Variants in PIGN observed in about 807,000 individuals in gnomAD.
PIGN encodes the protein phosphatidylinositol glycan anchor biosynthesis class N, also known as GPI ethanolamine phosphate transferase 1.
PIGN carries 117 observed loss-of-function variants against 125.4 expected under a neutral mutation model. The ratio of observed to expected loss-of-function variants is 0.93; its 90% CI spans 0.80 to 1.09. The LOEUF is 1.09. Among genes scored for constraint, PIGN ranks in the 50% least tolerant of loss-of-function variants. The pLI is 0.00. For synonymous variants in PIGN, 392 were observed against 377.8 expected (o/e 1.04, Z -0.44); for missense variants, 1,075 against 1,094.9 (o/e 0.98, Z 0.26).
intron 16 of PIGN, among the ~76,000 whole-genome samples, chr18:62,110,665 C>T (rs1389133977): frequency 5.9e-5 from 9 of 152,016 alleles, no homozygotes; most frequent in African/African-American, 1.9e-4. Flanking sequence ...AGTGCAGCTT[C>T]AGCTCCTGCT....
At chr18:62,055,430 T>C (rs1401709898) in intron 30 of PIGN, among the ~76,000 whole-genome samples, 7 of 152,232 alleles carry the variant, frequency 4.6e-5, no homozygotes, top group Non-Finnish European at 7.3e-5. Context: ...CTTTGTATCA[T>C]ATTTATGAAG....
intron 29 of PIGN, among the ~76,000 whole-genome samples, chr18:62,073,689 T>C (rs760635498): frequency 8.5e-5 from 13 of 152,326 alleles, no homozygotes; most frequent in African/African-American, 1.7e-4. Context: ...CACACAAAAG[T>C]ACTCTCATCT....
chr18:62,087,956 T>C (rs1376986886), intron 25 of PIGN, among the ~76,000 whole-genome samples: 1 of 152,168 alleles, frequency 6.6e-6, no homozygotes, highest in Non-Finnish European at 1.5e-5. Flanking sequence ...ATGGTGACTA[T>C]AGTCAGTAAT....
intron 11 of PIGN, among the ~76,000 whole-genome samples, chr18:62,140,975 C>T (rs904425576): frequency 1.3e-5 from 2 of 152,170 alleles, no homozygotes; most frequent in Non-Finnish European, 2.9e-5. Context: ...GATATCTCCT[C>T]TTTAAGTTCA....
chr18:62,040,624 A>C (rs1160268892), downstream of PIGN, among the ~76,000 whole-genome samples: 1 of 152,232 alleles, frequency 6.6e-6, no homozygotes, highest in Non-Finnish European at 1.5e-5. Context: ...AAATAAAACC[A>C]ATCACAATAG....
At chr18:62,079,988 G>A (rs2033370360) in intron 28 of PIGN, among the ~76,000 whole-genome samples, 1 of 152,040 alleles carries the variant, frequency 6.6e-6, no homozygotes, top group Non-Finnish European at 1.5e-5. Flanking sequence ...AAATATGTGA[G>A]CAAAACATTC....
intron 1 of PIGN, among the ~76,000 whole-genome samples, chr18:62,185,241 C>T (rs1291490627): frequency 1.3e-5 from 2 of 152,186 alleles, no homozygotes; most frequent in African/African-American, 4.8e-5. Flanking sequence ...TACGGATCAG[C>T]AATCCCTTTT....
chr18:62,113,337 T>C lies in PIGN; in HGVS notation c.1252-21A>G. 5 of 1,532,454 alleles carry C rather than the reference T, an allele frequency of 3.3e-6. No homozygotes were observed. The South Asian group carries it at 6.3e-5, about 19-fold the overall frequency. The allele number at this position is 1,532,454 out of a possible 1,614,324, so 94.9% of individuals were successfully genotyped here. A position where few individuals can be genotyped will look rare whatever the true frequency, so the allele number is the denominator to read the frequency against. ...GAGACCTATGGAGAAAAAACATATA[T>C]AACTTGCTAACAGAAATAATAAGAA... On this transcript the variant is annotated intron_variant, in intron 15 of 30. Transcript: ENST00000640252.
intron 30 of PIGN, among the ~76,000 whole-genome samples, chr18:62,065,442 T>G (rs2145542904): frequency 6.6e-6 from 1 of 152,176 alleles, no homozygotes; most frequent in Non-Finnish European, 1.5e-5. Context: ...TGAATATAAT[T>G]AAAAAGACAG....
intron 28 of PIGN, among the ~76,000 whole-genome samples, chr18:62,076,214 T>C (rs1042759001): frequency 2.0e-5 from 3 of 152,236 alleles, no homozygotes; most frequent in Non-Finnish European, 2.9e-5. Context: ...ATTACAGGCA[T>C]GAGCCACCAC....
chr18:62,037,968 T>A (rs1018066194), downstream of PIGN, among the ~76,000 whole-genome samples: 1 of 152,226 alleles, frequency 6.6e-6, no homozygotes, highest in African/African-American at 2.4e-5. Context: ...GTAGCACCTA[T>A]GAGAAAATTT....
At chr18:62,025,240 T>C (rs1182127037) in intron 23 of PIGN, among the ~76,000 whole-genome samples, 2 of 152,234 alleles carry the variant, frequency 1.3e-5, no homozygotes, top group Admixed American at 6.5e-5. Flanking sequence ...AATGGTATCA[T>C]GCTGTACATA....
At chr18:62,034,512 C>T (rs551711745) in intron 23 of PIGN, among the ~76,000 whole-genome samples, 2 of 152,314 alleles carry the variant, frequency 1.3e-5, no homozygotes, top group African/African-American at 4.8e-5. Flanking sequence ...GGGGCTGTAC[C>T]CTGCAAAACC....
rs573382932 is a variant in PIGN at position 62,123,121 on chromosome 18, TC to T, written c.1173-8483del. Among the ~76,000 whole-genome samples, 30 of 152,196 alleles carry T rather than the reference TC, an allele frequency of 2.0e-4. 1 individual carries two copies. The highest frequency in any genetic ancestry group is 5.8e-4 in the African/African-American group (24 of 41,544). On this transcript the variant is annotated intron_variant, in intron 14 of 30. Coordinates refer to ENST00000640252, the MANE Select transcript of PIGN (RefSeq NM_176787.5). ...CAAGCATGGTGTTGCTCACCTGTTG[TC>T]CTAGCTACTCAGAAGGCTGAGGCAG...
intron 12 of PIGN, 97 bp from the exon 13 acceptor site, chr18:62,139,172 A>G: frequency 1.7e-6 from 1 of 587,578 alleles, no homozygotes; most frequent in Non-Finnish European, 3.0e-6. Flanking sequence ...GATAAGGCAT[A>G]TGGACAAATA....
Position 62,143,353 on chromosome 18 carries a change from G to C in PIGN, c.923-7C>G, listed in dbSNP as rs1330376154. On this transcript the variant is annotated splice_polypyrimidine_tract_variant and splice_region_variant and intron_variant, in intron 10 of 30. Coordinates refer to ENST00000640252, the MANE Select transcript of PIGN (RefSeq NM_176787.5). ...CAATTCTCCAATCTCCACTCTGAAA[G>C]ATACAATCAGACACAAGATCTGATG... is the stretch of plus-strand genomic sequence containing the variant. 1 of 1,497,598 alleles carries C rather than the reference G, an allele frequency of 6.7e-7. No individual in the cohort carries two copies. The highest frequency in any genetic ancestry group is 9.2e-7 in the Non-Finnish European group (1 of 1,087,142). 92.8% of individuals were successfully genotyped at this position (1,497,598 alleles called of 1,614,324 possible). A position where few individuals can be genotyped will look rare whatever the true frequency, so the allele number is the denominator to read the frequency against.
At chr18:62,083,430 A>G (rs1478537560) in intron 27 of PIGN, among the ~76,000 whole-genome samples, 2 of 152,130 alleles carry the variant, frequency 1.3e-5, no homozygotes, top group Admixed American at 6.6e-5. Flanking sequence ...GATATGGAAA[A>G]TAAATGATGT....
chr18:62,090,371 A>T, intron 24 of PIGN, 105 bp downstream of exon 24: 1 of 632,048 alleles, frequency 1.6e-6, no homozygotes, highest in Non-Finnish European at 2.7e-6. Context: ...AACTTTTAAC[A>T]CTAAAATTTT....
intron 28 of PIGN, among the ~76,000 whole-genome samples, chr18:62,077,722 T>G (rs537623480): frequency 6.6e-6 from 1 of 152,228 alleles, no homozygotes; most frequent in African/African-American, 2.4e-5. Flanking sequence ...AAACAAAAGC[T>G]TTAAATGAAA....
Sources: allele counts gnomAD v4.1 joint callset (sites outside exome capture counted in the v4.1 genomes callset), GRCh38; gene constraint gnomAD v4.1.1; transcripts MANE v1.5; gene names NCBI Gene and HGNC (gene_info 2026-07-23, HGNC 2026-07-21).